The following UTRN variants were observed in gnomAD, a reference collection of about 807,000 sequenced individuals.
The protein encoded by UTRN is dystrophin-related protein 1.
UTRN carries 283 observed loss-of-function variants against 463.9 expected under a neutral mutation model. The ratio of observed to expected loss-of-function variants is 0.61; its 90% CI spans 0.55 to 0.67. UTRN has a LOEUF of 0.67. UTRN is among the 30% of genes least tolerant of loss of function. UTRN has a pLI of 0.00. For synonymous variants in UTRN, 1,442 were observed against 1,431.5 expected (o/e 1.01, Z -0.17); for missense variants, 3,922 against 4,084.3 (o/e 0.96, Z 1.08).
At chr6:144,681,242 G>A (rs79481265) in intron 52 of UTRN, among the ~76,000 whole-genome samples, 12 of 152,284 alleles carry the variant, frequency 7.9e-5, no homozygotes, top group Non-Finnish European at 1.2e-4. Context: ...ATAGACAGAC[G>A]GGAGGCGGTG....
At chr6:144,588,532 G>A (rs1201889803) in intron 51 of UTRN, among the ~76,000 whole-genome samples, 2 of 152,040 alleles carry the variant, frequency 1.3e-5, no homozygotes, top group African/African-American at 4.8e-5. Flanking sequence ...GTACAAATCC[G>A]GAACAAATAG....
intron 23 of UTRN, among the ~76,000 whole-genome samples, chr6:144,469,193 TA>T (rs1202462650): frequency 6.6e-6 from 1 of 152,174 alleles, no homozygotes; most frequent in African/African-American, 2.4e-5. Flanking sequence ...TGGCAGCAAT[TA>T]AAAAAGTGAA....
In UTRN at chr6:144,764,727, T is replaced by C. The variant is rs564583766; in HGVS notation, c.8495+6738T>C. Among the ~76,000 whole-genome samples, 15 of 152,032 alleles carry C rather than the reference T, an allele frequency of 9.9e-5. No individual in the cohort carries two copies. In the East Asian group the frequency reaches 2.7e-3, roughly 27 times the overall value. ...GAAATATGCTGATTATAAAGTAAAATAATACAGTAAAAGATTTCATATAAC... is the reference window on the plus strand; with the variant it reads ...GAAATATGCTGATTATAAAGTAAAACAATACAGTAAAAGATTTCATATAAC... On this transcript the variant is annotated intron_variant, in intron 58 of 74. Coordinates refer to ENST00000367545, the MANE Select transcript of UTRN (RefSeq NM_007124.3).
intron 2 of UTRN, among the ~76,000 whole-genome samples, chr6:144,396,355 C>G (rs566194549): frequency 6.6e-6 from 1 of 152,188 alleles, no homozygotes; most frequent in East Asian, 1.9e-4. Context: ...AGTAGATTAG[C>G]TATTACCAGG....
At chr6:144,669,114 A>C (rs1031601017) in intron 51 of UTRN, among the ~76,000 whole-genome samples, 6 of 152,186 alleles carry the variant, frequency 3.9e-5, no homozygotes, top group Non-Finnish European at 5.9e-5. Flanking sequence ...GGTTGCTTCC[A>C]TTAAATTCAG....
At chr6:144,751,722 C>T (rs1791421580) in intron 55 of UTRN, 84 bp from the exon 56 acceptor site, 1 of 1,354,120 alleles carries the variant, frequency 7.4e-7, no homozygotes, top group Non-Finnish European at 9.8e-7. Context: ...CCATGCAGTT[C>T]AGACCTAAGT....
At chr6:144,698,708 C>T (rs570282817) in intron 52 of UTRN, among the ~76,000 whole-genome samples, 8 of 152,336 alleles carry the variant, frequency 5.3e-5, no homozygotes, top group African/African-American at 1.9e-4. Context: ...GGGCTTTCAC[C>T]AGGGCCCTAA....
rs1196718925 is a variant in UTRN, at chr6:144,662,446, C to T, written c.7480-15960C>T. On this transcript the variant is annotated intron_variant, in intron 51 of 74. Coordinates refer to ENST00000367545, the MANE Select transcript of UTRN (RefSeq NM_007124.3). ...CAGAAGCTGAGTAACAGCCATTCTA[C>T]ACGCAGAGGTAGAGTCCCTTTACCC... Among the ~76,000 whole-genome samples the T allele has an allele frequency of 2.0e-5, 3 of 152,234 alleles. No individual in the cohort carries two copies. In the South Asian group the frequency reaches 6.2e-4, roughly 31 times the overall value.
chr6:144,661,839 T>C (rs1298032710), intron 51 of UTRN, among the ~76,000 whole-genome samples: 1 of 152,226 alleles, frequency 6.6e-6, no homozygotes, highest in Admixed American at 6.5e-5. Flanking sequence ...TCAAGCCATT[T>C]TATTGGCAGA....
At position 144,431,688 on chromosome 6, in the gene UTRN, G is replaced by C. The variant is rs141482123; in HGVS notation, c.855+1947G>C. Among the ~76,000 whole-genome samples the C allele has an allele frequency of 4.8e-3, 724 of 152,262 alleles. 3 individuals are homozygous for C. Among genetic ancestry groups the C allele is most frequent in the Admixed American group, 9.5e-3 (145 of 15,302 alleles). ...TGCCTATCTCAGTGACCTTTGGCTG[G>C]TCACTAACTTTCCTGGTTCTTAGAA... On this transcript the variant is annotated intron_variant, in intron 9 of 74. Coordinates refer to ENST00000367545, the MANE Select transcript of UTRN (RefSeq NM_007124.3).
chr6:144,834,208 G>A (rs951468538), intron 69 of UTRN, among the ~76,000 whole-genome samples: 2 of 152,126 alleles, frequency 1.3e-5, no homozygotes, highest in Non-Finnish European at 2.9e-5. Flanking sequence ...TTTGATAAAA[G>A]CAAGAAGGTC....
At chr6:144,382,312 A>C (rs1349854293) in intron 2 of UTRN, among the ~76,000 whole-genome samples, 2 of 152,234 alleles carry the variant, frequency 1.3e-5, no homozygotes, top group Non-Finnish European at 2.9e-5. Context: ...GGTATAACAA[A>C]GTGGTAAAGT....
At chr6:144,595,726 C>T (rs1347284176) in intron 51 of UTRN, among the ~76,000 whole-genome samples, 1 of 152,138 alleles carries the variant, frequency 6.6e-6, no homozygotes, top group Non-Finnish European at 1.5e-5. Flanking sequence ...CATTAGTAAT[C>T]TTAGATGCTG....
chr6:144,595,995 C>T (rs1368961804), intron 51 of UTRN, among the ~76,000 whole-genome samples: 1 of 152,048 alleles, frequency 6.6e-6, no homozygotes, highest in East Asian at 1.9e-4. Context: ...AACATTTGCT[C>T]TATTTTGAAG....
At chr6:144,626,626 A>AG (rs2128651180) in intron 51 of UTRN, among the ~76,000 whole-genome samples, 1 of 152,264 alleles carries the variant, frequency 6.6e-6, no homozygotes, top group East Asian at 1.9e-4. Flanking sequence ...CTCTGTAGCA[A>AG]GTTTGTGTTG....
At chr6:144,401,259 G>A (rs948194121) in intron 2 of UTRN, among the ~76,000 whole-genome samples, 2 of 152,066 alleles carry the variant, frequency 1.3e-5, no homozygotes, top group South Asian at 2.1e-4. Context: ...TCCTTTTTAA[G>A]GTAGTGGGAC....
intron 34 of UTRN, among the ~76,000 whole-genome samples, chr6:144,504,728 G>T (rs974558795): frequency 9.2e-5 from 14 of 151,784 alleles, no homozygotes; most frequent in Non-Finnish European, 1.5e-4. Flanking sequence ...TCTTTTTTTT[G>T]TTTTGTCTCT....
At position 144,774,295 on chromosome 6, in the gene UTRN, C is replaced by A. The variant is rs749903359; in HGVS notation, c.8563C>A (p.Leu2855Met). ...MTELFQSLAD[L>M]NNVRFSAYRT... ...TGTTTCTTTTTCTATTTCAGCTGAC[C>A]TGAATAATGTACGTTTTTCTGCCTA... The change falls in exon 60 of 75, where the codon CTG becomes ATG. Residue 2855 changes from leucine (L) to methionine (M), a missense_variant. Leu to Met is a conservative substitution (Grantham distance 15). This residue lies in a region of UTRN where 1,309 missense variants were observed against 1,452.6 expected (regional missense o/e 0.90). Transcript: ENST00000367545. 6.2e-7 allele frequency: 1 copy of A among 1,601,344 alleles called. No individual in the cohort carries two copies. Among genetic ancestry groups the A allele is most frequent in the Non-Finnish European group, 8.5e-7 (1 of 1,175,992 alleles).
chr6:144,424,197 G>T (rs1785096708), intron 6 of UTRN, 119 bp downstream of exon 6: 3 of 1,092,688 alleles, frequency 2.7e-6, no homozygotes, highest in South Asian at 3.0e-5. Context: ...ACAGAAATTT[G>T]TTGTCTCCCA....
Sources: allele counts gnomAD v4.1 joint callset (sites outside exome capture counted in the v4.1 genomes callset), GRCh38; gene constraint gnomAD v4.1.1; regional missense constraint gnomAD v4.1.1; transcripts MANE v1.5; gene names NCBI Gene and HGNC (gene_info 2026-07-23, HGNC 2026-07-21).